The following TLCD4 variants were observed in gnomAD, a reference collection of about 807,000 sequenced individuals.
The protein encoded by TLCD4 is TLC domain containing 4, also known as TLC domain-containing protein 4.
In TLCD4, 7 loss-of-function variants were observed where a neutral mutation model predicts 24.2. The ratio of observed to expected loss-of-function variants is 0.29; its 90% CI spans 0.16 to 0.54. The LOEUF (loss-of-function observed/expected upper bound fraction) is 0.54. TLCD4 is among the 20% of genes least tolerant of loss of function. The pLI is 0.95. For missense variants in TLCD4, 259 were observed against 313.9 expected (o/e 0.82, Z 1.32); for synonymous variants, 103 against 106.4 (o/e 0.97, Z 0.20).
chr1:95,148,791 G>C lies in TLCD4; in HGVS notation c.245G>C (p.Trp82Ser). 6.2e-7 allele frequency: 1 copy of C among 1,610,188 alleles called. No individual in the cohort carries two copies. The highest frequency in any genetic ancestry group is 8.5e-7 in the Non-Finnish European group (1 of 1,178,788). ...FDEATKADPL[W>S]GGPSLANVNI... is the part of the protein sequence containing the mutation. ...GAGGCTACTAAAGCTGATCCACTTTGGTAAGCTGTTTCTTTTTCTAAGATT... is the reference window on the plus strand; with the variant it reads ...GAGGCTACTAAAGCTGATCCACTTTCGTAAGCTGTTTCTTTTTCTAAGATT... The change falls in exon 3 of 7, where the codon TGG becomes TCG. Residue 82 changes from tryptophan (W) to serine (S), a missense_variant and splice_region_variant. Trp to Ser is a radical substitution (Grantham distance 177). Coordinates refer to ENST00000370203, the MANE Select transcript of TLCD4 (RefSeq NM_152487.3).
rs191214265 is a variant in TLCD4, at chr1:95,178,031, A to G, written c.473+4142A>G. Among the ~76,000 whole-genome samples the G allele has an allele frequency of 7.0e-4, 105 of 150,542 alleles. No individual in the cohort carries two copies. In the East Asian group the frequency reaches 0.02, roughly 29 times the overall value. The stretch of plus-strand genomic sequence containing the variant: ...AGTGGCGTGATCTTGGCTCACTGCA[A>G]CCTACACCTCCCGGGTTCAGGCAAT... On this transcript the variant is annotated intron_variant, in intron 6 of 6. Coordinates refer to ENST00000370203, the MANE Select transcript of TLCD4 (RefSeq NM_152487.3).
At chr1:95,179,972 A>G (rs1678576507) in intron 6 of TLCD4, among the ~76,000 whole-genome samples, 1 of 152,214 alleles carries the variant, frequency 6.6e-6, no homozygotes, top group African/African-American at 2.4e-5. Context: ...GTATATTACT[A>G]TACTTAATGT....
At chr1:95,145,174 G>T (rs989944097) in intron 2 of TLCD4, among the ~76,000 whole-genome samples, 1 of 152,102 alleles carries the variant, frequency 6.6e-6, no homozygotes, top group Non-Finnish European at 1.5e-5. Flanking sequence ...ATTTTTTGTT[G>T]TTGCTATTTA....
At chr1:95,131,730 C>T (rs1676896689) in intron 1 of TLCD4, among the ~76,000 whole-genome samples, 1 of 152,164 alleles carries the variant, frequency 6.6e-6, no homozygotes, top group Non-Finnish European at 1.5e-5. Context: ...GTGCAGAAAG[C>T]AGGTTATCAA....
Position 95,150,210 on chromosome 1 carries a change from G to A in TLCD4, c.248G>A (p.Gly83Asp). The A allele has an allele frequency of 6.2e-7, 1 of 1,601,730 alleles. No homozygotes were observed. The highest frequency in any genetic ancestry group is 8.5e-7 in the Non-Finnish European group (1 of 1,176,988). The change falls in exon 4 of 7, where the codon GGT (glycine) becomes GAT (aspartate). Residue 83 changes from glycine to aspartate, a missense_variant and splice_region_variant. By Grantham distance (94) the Gly-to-Asp change is moderately conservative. Transcript: ENST00000370203. ...DEATKADPLW[G>D]GPSLANVNIA... Reference sequence around the variant, plus strand: ...AAGGAACCTTTTTTTTTTTTCAGGGGTGGTCCATCACTTGCAAACGTGAAT... The same window carrying A: ...AAGGAACCTTTTTTTTTTTTCAGGGATGGTCCATCACTTGCAAACGTGAAT...
intron 5 of TLCD4, among the ~76,000 whole-genome samples, chr1:95,159,767 T>G (rs552643459): frequency 1.3e-5 from 2 of 152,344 alleles, no homozygotes; most frequent in South Asian, 4.1e-4. Flanking sequence ...TAGGGAATCC[T>G]TTCCCCATTT....
chr1:95,154,386 G>A (rs1463161029), intron 5 of TLCD4, among the ~76,000 whole-genome samples: 1 of 152,164 alleles, frequency 6.6e-6, no homozygotes, highest in African/African-American at 2.4e-5. Context: ...ACTGATGTTT[G>A]TTAGGAAGAA....
intron 5 of TLCD4, among the ~76,000 whole-genome samples, chr1:95,155,058 G>C (rs1420651790): frequency 6.6e-6 from 1 of 151,832 alleles, no homozygotes; most frequent in Non-Finnish European, 1.5e-5. Context: ...TAGGGAAAGG[G>C]TGCCCATTTC....
intron 1 of TLCD4, among the ~76,000 whole-genome samples, chr1:95,124,287 C>A (rs1676651714): frequency 6.6e-6 from 1 of 152,146 alleles, no homozygotes; most frequent in Non-Finnish European, 1.5e-5. Context: ...AAAGTTCTGG[C>A]TATAAGCTTT....
intron 2 of TLCD4, among the ~76,000 whole-genome samples, chr1:95,147,632 A>G (rs1182794811): frequency 6.6e-6 from 1 of 152,168 alleles, no homozygotes; most frequent in Non-Finnish European, 1.5e-5. Flanking sequence ...AAATTTTCTG[A>G]TACCAAACCT....
At chr1:95,160,298 TTC>T (rs1557688443) in intron 5 of TLCD4, among the ~76,000 whole-genome samples, 1 of 152,158 alleles carries the variant, frequency 6.6e-6, no homozygotes, top group African/African-American at 2.4e-5. Flanking sequence ...CATGATTTGG[TTC>T]TCTGTTTGTC....
At chr1:95,181,131 T>C (rs182963094) in intron 6 of TLCD4, among the ~76,000 whole-genome samples, 1 of 152,268 alleles carries the variant, frequency 6.6e-6, no homozygotes, top group East Asian at 1.9e-4. Flanking sequence ...TCATTGAATA[T>C]TAACAGTAAT....
At chr1:95,122,150 T>A (rs956782491) in intron 1 of TLCD4, among the ~76,000 whole-genome samples, 1 of 152,214 alleles carries the variant, frequency 6.6e-6, no homozygotes, top group African/African-American at 2.4e-5. Flanking sequence ...GTGAAGAGTT[T>A]GCGACCAGCC....
At chr1:95,126,596 G>A (rs1293810425) in intron 1 of TLCD4, among the ~76,000 whole-genome samples, 2 of 152,198 alleles carry the variant, frequency 1.3e-5, no homozygotes, top group African/African-American at 4.8e-5. Flanking sequence ...GTTGGTTACA[G>A]GTTCACTCAA....
intron 1 of TLCD4, among the ~76,000 whole-genome samples, chr1:95,120,824 C>A (rs1395459950): frequency 6.6e-6 from 1 of 152,222 alleles, no homozygotes; most frequent in African/African-American, 2.4e-5. Flanking sequence ...TATTGAATTT[C>A]TGTTTCTAGT....
the TLCD4 span, among the ~76,000 whole-genome samples, chr1:95,101,299 G>A: frequency 1.3e-5 from 2 of 151,676 alleles, no homozygotes; most frequent in Non-Finnish European, 2.9e-5. Context: ...TGTCACCCAC[G>A]CTAGAGTACA....
intron 1 of TLCD4, among the ~76,000 whole-genome samples, chr1:95,122,908 A>G (rs1676608683): frequency 6.6e-6 from 1 of 152,182 alleles, no homozygotes; most frequent in South Asian, 2.1e-4. Context: ...AGGAATTTTC[A>G]TTTGATGAAA....
intron 1 of TLCD4, among the ~76,000 whole-genome samples, chr1:95,139,264 GC>G (rs1677133242): frequency 6.6e-6 from 1 of 151,274 alleles, no homozygotes; most frequent in Non-Finnish European, 1.5e-5. Flanking sequence ...ACTAGAAGTT[GC>G]TCTAGGTGAA....
chr1:95,174,507 CAAAAAAAAA>C (rs141819142), intron 6 of TLCD4, among the ~76,000 whole-genome samples: 5 of 85,882 alleles, frequency 5.8e-5, no homozygotes, highest in Non-Finnish European at 8.7e-5. Flanking sequence ...CCCATCCCTA[CAAAAAAAAA>C]AAAAAAAAAA....
Sources: gnomAD v4.1 joint callset for allele counts (sites outside exome capture counted in the v4.1 genomes callset) on GRCh38, gnomAD v4.1.1 for gene constraint, MANE v1.5 for transcripts, NCBI Gene and HGNC (gene_info 2026-07-23, HGNC 2026-07-21) for gene names.